CNTNAP2: variants seen among roughly 807,000 people sequenced by gnomAD.
CNTNAP2 encodes the protein contactin associated protein 2.
CNTNAP2 carries 98 observed loss-of-function variants against 155.2 expected under a neutral mutation model. That is an observed-to-expected ratio of 0.63 (90% CI 0.54 to 0.75). The LOEUF is 0.75. Ranked by LOEUF, CNTNAP2 falls within the 30% of genes least tolerant of loss-of-function variation. The pLI, the probability that CNTNAP2 is intolerant of heterozygous loss-of-function variation, is 0.00. For missense variants in CNTNAP2, 1,727 were observed against 1,688.1 expected (o/e 1.02, Z -0.40); for synonymous variants, 651 against 631.2 (o/e 1.03, Z -0.47).
intron 4 of CNTNAP2, among the ~76,000 whole-genome samples, chr7:147,086,488 G>C (rs1055435233): frequency 6.6e-6 from 1 of 151,822 alleles, no homozygotes; most frequent in Non-Finnish European, 1.5e-5. Context: ...CCAGAATGGA[G>C]TGCAATGGCA....
intron 1 of CNTNAP2, among the ~76,000 whole-genome samples, chr7:146,362,934 C>A (rs1390470233): frequency 6.6e-6 from 1 of 151,936 alleles, no homozygotes; most frequent in African/African-American, 2.4e-5. Flanking sequence ...CCACGCCCAG[C>A]TAATTTTTGT....
At chr7:147,170,008 A>G (rs1218743689) in intron 8 of CNTNAP2, among the ~76,000 whole-genome samples, 1 of 151,884 alleles carries the variant, frequency 6.6e-6, no homozygotes, top group South Asian at 2.1e-4. Context: ...TTTGGGGGTA[A>G]GGAGGCACTC....
intron 1 of CNTNAP2, among the ~76,000 whole-genome samples, chr7:146,492,292 G>A (rs528646004): frequency 5.9e-5 from 9 of 151,768 alleles, no homozygotes; most frequent in Admixed American, 2.6e-4. Flanking sequence ...TAACTAATAC[G>A]ATTTCCACAA....
chr7:147,583,112 C>A (rs1584830705), intron 12 of CNTNAP2, among the ~76,000 whole-genome samples: 1 of 151,968 alleles, frequency 6.6e-6, no homozygotes, highest in East Asian at 1.9e-4. Flanking sequence ...AAGCGAATGA[C>A]CCATTAAATA....
chr7:147,090,345 GTGTGTGTT>G (rs1172337539), intron 4 of CNTNAP2, among the ~76,000 whole-genome samples: 1 of 151,920 alleles, frequency 6.6e-6, no homozygotes, highest in Admixed American at 6.6e-5. Context: ...GTGTGTGTGT[GTGTGTGTT>G]ACAATTCTCT....
At chr7:147,404,073 T>C (rs1229355917) in intron 10 of CNTNAP2, among the ~76,000 whole-genome samples, 3 of 152,190 alleles carry the variant, frequency 2.0e-5, no homozygotes, top group Non-Finnish European at 4.4e-5. Flanking sequence ...TACCATTAGG[T>C]GCTTATTTCA....
chr7:148,218,516 C>T (rs907230239), intron 19 of CNTNAP2, among the ~76,000 whole-genome samples: 1 of 152,070 alleles, frequency 6.6e-6, no homozygotes, highest in African/African-American at 2.4e-5. Flanking sequence ...CTCAGCCTCC[C>T]AAGTAGCCGG....
chr7:147,626,715 C>G (rs1794984417), intron 12 of CNTNAP2, among the ~76,000 whole-genome samples: 1 of 152,192 alleles, frequency 6.6e-6, no homozygotes, highest in Non-Finnish European at 1.5e-5. Context: ...CCAACCAACT[C>G]AGGCCATTAC....
intron 12 of CNTNAP2, among the ~76,000 whole-genome samples, chr7:147,602,888 A>G (rs1344200574): frequency 1.3e-5 from 2 of 151,948 alleles, no homozygotes; most frequent in East Asian, 3.9e-4. Context: ...CCAGTCTATC[A>G]TTGTTGGACA....
chr7:146,737,950 T>C (rs746958938), intron 1 of CNTNAP2, among the ~76,000 whole-genome samples: 2 of 152,142 alleles, frequency 1.3e-5, no homozygotes, highest in Non-Finnish European at 2.9e-5. Flanking sequence ...TTCAATATCT[T>C]AGCTATTGTG....
chr7:146,627,073 A>G (rs1799432688), intron 1 of CNTNAP2, among the ~76,000 whole-genome samples: 1 of 152,140 alleles, frequency 6.6e-6, no homozygotes, highest in Admixed American at 6.6e-5. Flanking sequence ...CACAATCATG[A>G]CAGAAGGCCA....
chr7:148,289,961 G>A (rs1291766980), intron 21 of CNTNAP2, among the ~76,000 whole-genome samples: 1 of 152,096 alleles, frequency 6.6e-6, no homozygotes. Flanking sequence ...TTTTTAAATA[G>A]CTTCCTTAAT....
intron 4 of CNTNAP2, among the ~76,000 whole-genome samples, chr7:147,055,184 A>C (rs111515611): frequency 6.6e-5 from 10 of 152,320 alleles, no homozygotes; most frequent in African/African-American, 2.4e-4. Flanking sequence ...GTTTTTAGCA[A>C]GATATCCCTG....
At chr7:147,241,349 C>T (rs1047474514) in intron 8 of CNTNAP2, among the ~76,000 whole-genome samples, 7 of 152,194 alleles carry the variant, frequency 4.6e-5, no homozygotes, top group Admixed American at 6.5e-5. Context: ...TTTTCTCTGC[C>T]GGGCGCGGTG....
At chr7:147,857,770 C>A (rs1799063545) in intron 13 of CNTNAP2, among the ~76,000 whole-genome samples, 1 of 152,132 alleles carries the variant, frequency 6.6e-6, no homozygotes. Flanking sequence ...TCAATAAAGC[C>A]AGATAGAGCA....
At position 146,592,719 on chromosome 7, in the gene CNTNAP2, C is replaced by A. The variant is rs541201453; in HGVS notation, c.98-181552C>A. Among the ~76,000 whole-genome samples the A allele has an allele frequency of 2.0e-3, 305 of 152,182 alleles. 4 individuals are homozygous for A. Among genetic ancestry groups the A allele is most frequent in the African/African-American group, 7.0e-3 (291 of 41,518 alleles). The stretch of plus-strand genomic sequence containing the variant: ...AATTTACCATTCAAGGCAAAAATAT[C>A]CATATATTGTACCAGACACCTATTA... On this transcript the variant is annotated intron_variant, in intron 1 of 23. Transcript: ENST00000361727.
intron 10 of CNTNAP2, among the ~76,000 whole-genome samples, chr7:147,400,276 G>A (rs1197018734): frequency 6.6e-6 from 1 of 152,138 alleles, no homozygotes; most frequent in East Asian, 1.9e-4. Context: ...CGGACATTGA[G>A]GGAGAGTCAG....
chr7:146,632,877 T>G (rs1428281475), intron 1 of CNTNAP2, among the ~76,000 whole-genome samples: 2 of 151,992 alleles, frequency 1.3e-5, no homozygotes, highest in South Asian at 4.1e-4. Flanking sequence ...ATTAGCAATT[T>G]GGCTGAGCTA....
chr7:146,370,265 A>G (rs1201243412), intron 1 of CNTNAP2, among the ~76,000 whole-genome samples: 3 of 126,706 alleles, frequency 2.4e-5, no homozygotes, highest in Non-Finnish European at 3.2e-5. Flanking sequence ...TACTTTAAAA[A>G]AAAAAAAAAA....
Sources: allele counts gnomAD v4.1 joint callset (sites outside exome capture counted in the v4.1 genomes callset), GRCh38; gene constraint gnomAD v4.1.1; transcripts MANE v1.5; gene names NCBI Gene and HGNC (gene_info 2026-07-23, HGNC 2026-07-21).